Variants in KIAA1217 observed in about 807,000 individuals in gnomAD.
KIAA1217 encodes the protein KIAA1217.
Under a neutral mutation model 163.9 loss-of-function variants are expected in KIAA1217, and 88 were observed. The ratio of observed to expected loss-of-function variants is 0.54; its 90% confidence interval spans 0.45 to 0.64. The LOEUF is 0.64. KIAA1217 is among the 30% of genes least tolerant of loss of function. The pLI, the probability that KIAA1217 is intolerant of heterozygous loss-of-function variation, is 0.00. For missense variants in KIAA1217, 2,372 were observed against 2,475.0 expected (o/e 0.96, Z 0.88); for synonymous variants, 903 against 923.1 (o/e 0.98, Z 0.39).
chr10:24,484,305 C>T (rs1448509225), intron 6 of KIAA1217, among the ~76,000 whole-genome samples: 1 of 130,570 alleles, frequency 7.7e-6, no homozygotes, highest in East Asian at 2.3e-4. Context: ...AGTGCAGTGG[C>T]ATGATCTCGG....
At chr10:24,139,206 T>A (rs2063953799) in intron 2 of KIAA1217, among the ~76,000 whole-genome samples, 1 of 152,156 alleles carries the variant, frequency 6.6e-6, no homozygotes, top group Admixed American at 6.5e-5. Flanking sequence ...TTACTTCTAC[T>A]TCCCTAGTTT....
intron 1 of KIAA1217, among the ~76,000 whole-genome samples, chr10:23,725,600 C>G (rs1378748765): frequency 6.6e-6 from 1 of 152,058 alleles, no homozygotes; most frequent in Non-Finnish European, 1.5e-5. Flanking sequence ...GCTACTTGCC[C>G]CCTTCCTTCC....
intron 2 of KIAA1217, among the ~76,000 whole-genome samples, chr10:24,320,558 A>C (rs190492745): frequency 6.6e-6 from 1 of 152,382 alleles, no homozygotes; most frequent in African/African-American, 2.4e-5. Flanking sequence ...GGCAGTGTTC[A>C]TAGCACCACA....
intron 1 of KIAA1217, among the ~76,000 whole-genome samples, chr10:23,815,003 G>A (rs1334257173): frequency 6.6e-6 from 1 of 152,118 alleles, no homozygotes; most frequent in East Asian, 1.9e-4. Flanking sequence ...TGTCAGGGAA[G>A]ACATGCAAGT....
At chr10:23,921,595 T>C (rs1257659505) in intron 1 of KIAA1217, among the ~76,000 whole-genome samples, 1 of 152,158 alleles carries the variant, frequency 6.6e-6, no homozygotes, top group Non-Finnish European at 1.5e-5. Context: ...TCAAATAGCC[T>C]CTGTTCAAAA....
intron 3 of KIAA1217, among the ~76,000 whole-genome samples, chr10:24,407,092 C>A (rs2057295025): frequency 6.6e-6 from 1 of 152,108 alleles, no homozygotes; most frequent in African/African-American, 2.4e-5. Flanking sequence ...CTTTCTAGAC[C>A]TTAATTTTCT....
At chr10:24,391,341 T>C (rs1350398474) in intron 3 of KIAA1217, among the ~76,000 whole-genome samples, 7 of 138,806 alleles carry the variant, frequency 5.0e-5, no homozygotes, top group Non-Finnish European at 1.6e-5. Context: ...TTCTTTTTTT[T>C]TTTTTTTTTT....
chr10:24,282,823 CTTTTTTTTTT>C lies in KIAA1217; in HGVS notation c.354+62932_354+62941del, dbSNP rs34486953. Among the ~76,000 whole-genome samples, 13 of 46,238 alleles carry C rather than the reference CTTTTTTTTTT, an allele frequency of 2.8e-4. 1 individual carries two copies. The highest frequency in any genetic ancestry group is 8.0e-4 in the African/African-American group (9 of 11,320). 30.3% of individuals were successfully genotyped at this position (46,238 alleles called of 152,430 possible). On this transcript the variant is annotated intron_variant, in intron 2 of 20. Transcript: ENST00000376454. Reference sequence around the variant, plus strand: ...GTTCTTTGCTACTGAGGTGTTGCTTCTTTTTTTTTTTTTTTTTTTTTTTTTTTCAGACGGA... The same window carrying C: ...GTTCTTTGCTACTGAGGTGTTGCTTCTTTTTTTTTTTTTTTTTCAGACGGA...
intron 2 of KIAA1217, among the ~76,000 whole-genome samples, chr10:24,096,317 C>T (rs572962993): frequency 6.0e-4 from 91 of 152,238 alleles, no homozygotes; most frequent in African/African-American, 2.0e-3. Context: ...TCTCTTGAAT[C>T]CATGTATTTT....
At chr10:24,038,347 T>G (rs1327879107) in intron 2 of KIAA1217, among the ~76,000 whole-genome samples, 5 of 152,190 alleles carry the variant, frequency 3.3e-5, no homozygotes, top group African/African-American at 4.8e-5. Flanking sequence ...CTTAAACAGA[T>G]GCATGAGTTT....
At chr10:23,988,593 C>T (rs1846081720) in intron 1 of KIAA1217, among the ~76,000 whole-genome samples, 1 of 152,092 alleles carries the variant, frequency 6.6e-6, no homozygotes, top group Non-Finnish European at 1.5e-5. Flanking sequence ...AAAATGCATA[C>T]AAACCATGTG....
chr10:24,489,860 CAAAAAAA>C (rs11393718), intron 6 of KIAA1217, among the ~76,000 whole-genome samples: 6 of 64,922 alleles, frequency 9.2e-5, no homozygotes, highest in Non-Finnish European at 1.7e-4. Flanking sequence ...GAGAACCTGT[CAAAAAAA>C]AAAAAAAAAA....
chr10:24,527,858 A>G, intron 13 of KIAA1217, 78 bp from the exon 14 acceptor site: 3 of 1,117,100 alleles, frequency 2.7e-6, no homozygotes, highest in South Asian at 1.4e-5. Context: ...CCCACCCTCC[A>G]CCCTCTGAGA....
At chr10:24,069,949 C>A (rs182486330) in intron 2 of KIAA1217, among the ~76,000 whole-genome samples, 6 of 152,292 alleles carry the variant, frequency 3.9e-5, no homozygotes, top group Admixed American at 2.6e-4. Flanking sequence ...AAGAAATCCT[C>A]CTGCTTCAGC....
At chr10:23,736,444 A>G (rs146877733) in intron 1 of KIAA1217, among the ~76,000 whole-genome samples, 65 of 152,264 alleles carry the variant, frequency 4.3e-4, no homozygotes, top group African/African-American at 1.5e-3. Context: ...CAGTGTTTAC[A>G]TCTGTATTGT....
chr10:24,249,309 C>T (rs1019369463), intron 2 of KIAA1217, among the ~76,000 whole-genome samples: 4 of 152,090 alleles, frequency 2.6e-5, no homozygotes, highest in Non-Finnish European at 5.9e-5. Context: ...GTTGGTTAAC[C>T]TGAAAAATAG....
rs1844272316 is a variant in KIAA1217, at chr10:23,950,292, T to C, written c.-320-56933T>C. 3.3e-5 allele frequency among the ~76,000 whole-genome samples: 5 copies of C among 152,336 alleles called. No individual in the cohort carries two copies. In the South Asian group the frequency reaches 1.0e-3, roughly 32 times the overall value. On this transcript the variant is annotated intron_variant, in intron 1 of 18. Coordinates refer to the KIAA1217 transcript ENST00000376462. ...AAGTGCTGTAGAATTCTGTGAATAA[T>C]GTATAAAAAGCAGCTTACAAAAAAA...
At chr10:23,756,710 T>G (rs1255225787) in intron 1 of KIAA1217, among the ~76,000 whole-genome samples, 2 of 152,204 alleles carry the variant, frequency 1.3e-5, no homozygotes, top group African/African-American at 4.8e-5. Context: ...TAAAAATTAT[T>G]AGTATTTAAT....
intron 5 of KIAA1217, among the ~76,000 whole-genome samples, chr10:24,448,574 G>C (rs2061150121): frequency 6.6e-6 from 1 of 152,122 alleles, no homozygotes; most frequent in Non-Finnish European, 1.5e-5. Context: ...TCTTTGTAGA[G>C]ACACAGTCTC....
Sources: allele counts gnomAD v4.1 joint callset (sites outside exome capture counted in the v4.1 genomes callset), GRCh38; gene constraint gnomAD v4.1.1; transcripts MANE v1.5; gene names NCBI Gene and HGNC (gene_info 2026-07-23, HGNC 2026-07-21).